The following GAP43 variants were observed in gnomAD, a reference collection of about 807,000 sequenced individuals.
GAP43 encodes the protein growth associated protein 43, also known as neuromodulin.
GAP43 carries 6 observed loss-of-function variants against 18.6 expected under a neutral mutation model. The observed-to-expected ratio is 0.32, with a 90% CI of 0.18 to 0.64. The LOEUF (loss-of-function observed/expected upper bound fraction) is 0.64. Among genes scored for constraint, GAP43 ranks in the 30% least tolerant of loss-of-function variants. The probability of loss-of-function intolerance (pLI) is 0.78; values close to 1 mark genes in which losing one functional copy is unlikely to be tolerated. For synonymous variants in GAP43, 115 were observed against 111.4 expected, an observed-to-expected ratio of 1.03 and a Z score of -0.20; for missense variants, 292 against 295.5, an observed-to-expected ratio of 0.99 and a Z score of 0.09.
At chr3:115,640,257 T>C (rs1025799819) in intron 1 of GAP43, among the ~76,000 whole-genome samples, 2 of 152,076 alleles carry the variant, frequency 1.3e-5, no homozygotes, top group Non-Finnish European at 2.9e-5. Context: ...CATTGTACTT[T>C]AAAATTTTTA....
At chr3:115,666,216 T>G (rs1708731306) in intron 1 of GAP43, among the ~76,000 whole-genome samples, 2 of 152,124 alleles carry the variant, frequency 1.3e-5, no homozygotes, top group Admixed American at 1.3e-4. Context: ...GGTTTAACTT[T>G]GACAATGTAA....
At chr3:115,645,961 T>C (rs1041401065) in intron 1 of GAP43, among the ~76,000 whole-genome samples, 7 of 152,220 alleles carry the variant, frequency 4.6e-5, no homozygotes, top group Middle Eastern at 3.4e-3. Flanking sequence ...TTTAAGATAA[T>C]GGTCAATTGT....
At chr3:115,641,922 C>T (rs535378269) in intron 1 of GAP43, among the ~76,000 whole-genome samples, 11 of 152,096 alleles carry the variant, frequency 7.2e-5, no homozygotes, top group Non-Finnish European at 1.5e-4. Context: ...CTGTCTAGTC[C>T]GCTCCCTCCT....
At chr3:115,642,141 G>C (rs1004720992) in intron 1 of GAP43, among the ~76,000 whole-genome samples, 11 of 152,064 alleles carry the variant, frequency 7.2e-5, no homozygotes, top group African/African-American at 2.7e-4. Context: ...ATGTATATAT[G>C]CCTAAATTTT....
At chr3:115,651,381 G>C (rs1053373368) in intron 1 of GAP43, among the ~76,000 whole-genome samples, 1 of 152,120 alleles carries the variant, frequency 6.6e-6, no homozygotes, top group Non-Finnish European at 1.5e-5. Flanking sequence ...GTTAGTGTTT[G>C]AAAAGTATAT....
At chr3:115,665,744 G>T (rs986917668) in intron 1 of GAP43, among the ~76,000 whole-genome samples, 4 of 152,078 alleles carry the variant, frequency 2.6e-5, no homozygotes, top group African/African-American at 7.2e-5. Context: ...TCCAGTGGGG[G>T]TGCATTGGAT....
At chr3:115,678,449 G>T (rs1039262675) in intron 2 of GAP43, among the ~76,000 whole-genome samples, 4 of 151,970 alleles carry the variant, frequency 2.6e-5, no homozygotes, top group Admixed American at 6.6e-5. Context: ...TATTTTAAAA[G>T]AAATTAAGTT....
At chr3:115,661,139 T>C (rs1378814784) in intron 1 of GAP43, 7 of 152,160 alleles carry the variant, frequency 4.6e-5, no homozygotes, top group Admixed American at 4.6e-4. Flanking sequence ...AAAAAACTGT[T>C]TTTCCTTCCA....
At chr3:115,665,989 AGTGTGTGTGTGT>A (rs34314907) in intron 1 of GAP43, among the ~76,000 whole-genome samples, 157 of 61,734 alleles carry the variant, frequency 2.5e-3, no homozygotes, top group African/African-American at 7.5e-3. Context: ...TGGCTAAATG[AGTGTGTGTGTGT>A]GTGTGTGTGT....
chr3:115,630,523 A>G (rs896232456), intron 1 of GAP43, among the ~76,000 whole-genome samples: 4 of 152,204 alleles, frequency 2.6e-5, no homozygotes, highest in African/African-American at 9.6e-5. Context: ...ACTGTTTTCC[A>G]TGAAAACACT....
intron 2 of GAP43, among the ~76,000 whole-genome samples, chr3:115,692,410 A>C (rs1709126626): frequency 6.6e-6 from 1 of 152,224 alleles, no homozygotes; most frequent in African/African-American, 2.4e-5. Context: ...AAAAGTGAAT[A>C]TCTGTTGTCA....
intron 2 of GAP43, among the ~76,000 whole-genome samples, chr3:115,704,243 T>C (rs1489424155): frequency 6.6e-6 from 1 of 152,010 alleles, no homozygotes; most frequent in Non-Finnish European, 1.5e-5. Flanking sequence ...GGGTGATAGA[T>C]GGGAGGAATT....
chr3:115,686,686 G>T (rs1184076804), intron 2 of GAP43, among the ~76,000 whole-genome samples: 1 of 152,146 alleles, frequency 6.6e-6, no homozygotes, highest in Non-Finnish European at 1.5e-5. Context: ...TCTTTCTCAT[G>T]ATTAACTTAG....
intron 1 of GAP43, among the ~76,000 whole-genome samples, chr3:115,666,472 C>G (rs72943716): frequency 0.015 from 2,301 of 152,198 alleles, 61 homozygotes; most frequent in African/African-American, 0.052. Context: ...TCACGATGCT[C>G]TAGAAATTAC....
Position 115,640,885 on chromosome 3 carries a change from ATTCTCT to A in GAP43, c.30+17171_30+17176del, listed in dbSNP as rs1206800271. Among the ~76,000 whole-genome samples, 154 of 151,658 alleles carry A rather than the reference ATTCTCT, an allele frequency of 1.0e-3. 1 individual carries two copies. Among genetic ancestry groups the A allele is most frequent in the Middle Eastern group, 3.4e-3 (1 of 294 alleles). On this transcript the variant is annotated intron_variant, in intron 1 of 2. Coordinates refer to ENST00000305124, the MANE Select transcript of GAP43 (RefSeq NM_002045.4). ...ACTGGTACTATTTTCTCCACGTGAA[ATTCTCT>A]TTCTTTCTCTTTTTTCTTTTTCTTT...
At position 115,696,174 on chromosome 3, in the gene GAP43, A is replaced by G. The variant is rs181671225; in HGVS notation, c.628+19564A>G. On this transcript the variant is annotated intron_variant, in intron 2 of 2. Transcript: ENST00000305124. Reference sequence around the variant, plus strand: ...GCTTACTCTACATCTCAACTTGGATATCTAATAGATACCTCAAATTAAATC... The same window carrying G: ...GCTTACTCTACATCTCAACTTGGATGTCTAATAGATACCTCAAATTAAATC... 1.0e-3 allele frequency among the ~76,000 whole-genome samples: 158 copies of G among 152,208 alleles called. 1 individual carries two copies. Among genetic ancestry groups the G allele is most frequent in the African/African-American group, 3.6e-3 (151 of 41,516 alleles).
At chr3:115,666,815 C>G (rs929385081) in intron 1 of GAP43, among the ~76,000 whole-genome samples, 2 of 152,174 alleles carry the variant, frequency 1.3e-5, no homozygotes, top group African/African-American at 4.8e-5. Context: ...CTTTGTCATT[C>G]AGAAGCTGGA....
intron 2 of GAP43, among the ~76,000 whole-genome samples, chr3:115,698,227 A>AATATAAT (rs1709242217): frequency 1.9e-5 from 1 of 52,996 alleles, no homozygotes; most frequent in African/African-American, 7.3e-5. Context: ...TATAATATAT[A>AATATAAT]ATATATATAA....
chr3:115,694,981 A>C (rs1396904453), intron 2 of GAP43, among the ~76,000 whole-genome samples: 2 of 152,230 alleles, frequency 1.3e-5, no homozygotes, highest in Non-Finnish European at 2.9e-5. Context: ...TGTAGTGCAG[A>C]AGTGTTAGTT....
Sources: allele counts gnomAD v4.1 joint callset (sites outside exome capture counted in the v4.1 genomes callset), GRCh38; gene constraint gnomAD v4.1.1; transcripts MANE v1.5; gene names NCBI Gene and HGNC (gene_info 2026-07-23, HGNC 2026-07-21).